Variants in EPHB1 observed in about 807,000 individuals in gnomAD.
The protein encoded by EPHB1 is ephrin type-B receptor 1.
In EPHB1, 30 loss-of-function variants were observed where a neutral mutation model predicts 94.4. The ratio of observed to expected loss-of-function variants is 0.32; its 90% CI spans 0.24 to 0.43. EPHB1 has a LOEUF of 0.43. EPHB1 is among the 20% of genes least tolerant of loss of function. EPHB1 has a pLI of 1.00. For missense variants in EPHB1, 1,055 were observed against 1,308.3 expected, an observed-to-expected ratio of 0.81 and a Z score of 2.99; for synonymous variants, 522 against 489.1, an observed-to-expected ratio of 1.07 and a Z score of -0.89.
chr3:135,148,574 G>T (rs1233984070), intron 5 of EPHB1, among the ~76,000 whole-genome samples: 2 of 152,094 alleles, frequency 1.3e-5, no homozygotes, highest in Non-Finnish European at 2.9e-5. Context: ...GACTAGTTTG[G>T]GCCAACATTT....
chr3:134,815,337 T>C (rs991023274), intron 1 of EPHB1, among the ~76,000 whole-genome samples: 1 of 152,128 alleles, frequency 6.6e-6, no homozygotes. Context: ...CTACCTGCTC[T>C]CAGGTGGCTC....
chr3:135,151,571 C>A (rs190175952), intron 5 of EPHB1, among the ~76,000 whole-genome samples: 4 of 152,094 alleles, frequency 2.6e-5, no homozygotes, highest in Admixed American at 2.6e-4. Context: ...TCTGCTGAAT[C>A]CCCCCACTAG....
intron 4 of EPHB1, among the ~76,000 whole-genome samples, chr3:135,109,647 C>T (rs1939363062): frequency 6.6e-6 from 1 of 152,208 alleles, no homozygotes; most frequent in Admixed American, 6.5e-5. Context: ...ATGATATGGT[C>T]CCAAACCACA....
At chr3:135,054,894 C>T (rs1457727524) in intron 3 of EPHB1, among the ~76,000 whole-genome samples, 4 of 152,100 alleles carry the variant, frequency 2.6e-5, no homozygotes, top group Middle Eastern at 3.2e-3. Context: ...ACTTCCTTCC[C>T]TTATACCACC....
At chr3:135,018,718 C>T (rs1425572298) in intron 3 of EPHB1, among the ~76,000 whole-genome samples, 1 of 152,170 alleles carries the variant, frequency 6.6e-6, no homozygotes, top group Non-Finnish European at 1.5e-5. Flanking sequence ...CTGTGAGCCT[C>T]GCAGGACACA....
chr3:134,892,292 G>A (rs983683134), intron 1 of EPHB1, among the ~76,000 whole-genome samples: 3 of 152,172 alleles, frequency 2.0e-5, no homozygotes, highest in African/African-American at 4.8e-5. Context: ...CAGTTCTTGA[G>A]ACAGGAACAT....
At position 135,081,763 on chromosome 3, in the gene EPHB1, G is replaced by A. The variant is rs529526785; in HGVS notation, c.806-24685G>A. 9.9e-5 allele frequency among the ~76,000 whole-genome samples: 15 copies of A among 152,144 alleles called. No homozygotes were observed. In the South Asian group the frequency reaches 1.7e-3, roughly 17 times the overall value. ...AGTATAATGGGGCTGATTTGCCAGC[G>A]GACAATCCACTCATGTGGATGTGAC... On this transcript the variant is annotated intron_variant, in intron 3 of 15. Transcript: ENST00000398015.
chr3:135,053,319 A>G (rs1039427452), intron 3 of EPHB1, among the ~76,000 whole-genome samples: 20 of 152,012 alleles, frequency 1.3e-4, no homozygotes, highest in Non-Finnish European at 2.8e-4. Flanking sequence ...TATGTAACAT[A>G]CTATATATTA....
chr3:134,912,479 G>A lies in EPHB1; in HGVS notation c.59-13337G>A, dbSNP rs112556912. Among the ~76,000 whole-genome samples the A allele has an allele frequency of 2.4e-3, 359 of 152,342 alleles. 2 individuals are homozygous for A. The highest frequency in any genetic ancestry group is 6.9e-3 in the African/African-American group (285 of 41,560). Reference sequence around the variant, plus strand: ...CAGCATGCTGGGACATTGATTTAAAGGCTGTTTCTGGACCCCGGCATGCCT... The same window carrying A: ...CAGCATGCTGGGACATTGATTTAAAAGCTGTTTCTGGACCCCGGCATGCCT... On this transcript the variant is annotated intron_variant, in intron 1 of 15. Coordinates refer to ENST00000398015, the MANE Select transcript of EPHB1 (RefSeq NM_004441.5).
chr3:134,878,063 C>T (rs981679480), intron 1 of EPHB1, among the ~76,000 whole-genome samples: 1 of 152,190 alleles, frequency 6.6e-6, no homozygotes, highest in Non-Finnish European at 1.5e-5. Flanking sequence ...CCCAGCCTTC[C>T]CCCGGAGGGC....
intron 1 of EPHB1, among the ~76,000 whole-genome samples, chr3:134,909,120 G>GGGGGGGT (rs1553864851): frequency 7.2e-5 from 8 of 110,632 alleles, no homozygotes; most frequent in Admixed American, 3.4e-4. Context: ...GGGGGCGGGG[G>GGGGGGGT]GCGGGCTGGA....
At chr3:135,123,522 G>A (rs944578002) in intron 4 of EPHB1, among the ~76,000 whole-genome samples, 3 of 152,094 alleles carry the variant, frequency 2.0e-5, no homozygotes, top group Admixed American at 1.3e-4. Context: ...CATCAAGTCA[G>A]AGCCATGTCC....
intron 12 of EPHB1, among the ~76,000 whole-genome samples, chr3:135,232,440 A>G (rs1501213): frequency 0.66 from 99,810 of 152,090 alleles, 33,924 homozygotes; most frequent in Middle Eastern, 0.77. Flanking sequence ...AGCAGGTGCT[A>G]TACCCAGGCT....
At chr3:134,999,576 T>C (rs913370564) in intron 3 of EPHB1, among the ~76,000 whole-genome samples, 4 of 152,276 alleles carry the variant, frequency 2.6e-5, no homozygotes, top group Middle Eastern at 3.4e-3. Flanking sequence ...GACGGTGAGC[T>C]GCTCACTCCT....
chr3:135,129,179 A>G (rs1205076352), intron 4 of EPHB1, among the ~76,000 whole-genome samples: 1 of 151,548 alleles, frequency 6.6e-6, no homozygotes, highest in African/African-American at 2.4e-5. Context: ...AACAACATGG[A>G]AAAAAACCCT....
At chr3:135,169,594 G>A (rs1289503038) in intron 9 of EPHB1, among the ~76,000 whole-genome samples, 1 of 152,144 alleles carries the variant, frequency 6.6e-6, no homozygotes, top group Non-Finnish European at 1.5e-5. Flanking sequence ...ATGTAGAGCT[G>A]GCGGATGGCT....
intron 1 of EPHB1, among the ~76,000 whole-genome samples, chr3:134,843,399 T>A (rs1442382645): frequency 6.6e-6 from 1 of 152,248 alleles, no homozygotes. Flanking sequence ...ATTGGGATTT[T>A]TGGACTTGTG....
rs2035995676 is a variant in EPHB1 at position 134,804,366 on chromosome 3, A to G, written c.58+8677A>G. On this transcript the variant is annotated intron_variant, in intron 1 of 15. Coordinates refer to ENST00000398015, the MANE Select transcript of EPHB1 (RefSeq NM_004441.5). The stretch of plus-strand genomic sequence containing the variant: ...AGAATAGCACGGGGAAAGACCGGCC[A>G]CCATGATTCAATTCCCTTGGCGTTG... Among the ~76,000 whole-genome samples, 5 of 152,160 alleles carry G rather than the reference A, an allele frequency of 3.3e-5. No homozygotes were observed. The South Asian group carries it at 8.3e-4, about 25-fold the overall frequency.
rs1560281535 is a variant in EPHB1 at position 134,884,678 on chromosome 3, A to G, written c.59-41138A>G. ...TGAAAAGACTTGAATGACCCAGACCACATTTCCTTTGGTTATTCTGAATCC... is the reference window on the plus strand; with the variant it reads ...TGAAAAGACTTGAATGACCCAGACCGCATTTCCTTTGGTTATTCTGAATCC... On this transcript the variant is annotated intron_variant, in intron 1 of 15. Transcript: ENST00000398015. 3.3e-5 allele frequency among the ~76,000 whole-genome samples: 5 copies of G among 152,210 alleles called. No homozygotes were observed. The South Asian group carries it at 8.3e-4, about 25-fold the overall frequency.
Sources: allele counts gnomAD v4.1 joint callset (sites outside exome capture counted in the v4.1 genomes callset), GRCh38; gene constraint gnomAD v4.1.1; transcripts MANE v1.5; gene names NCBI Gene and HGNC (gene_info 2026-07-23, HGNC 2026-07-21).